Variants in TUNAR observed in about 807,000 individuals in gnomAD.
The protein encoded by TUNAR is protein TUNAR.
At chr14:95,923,199 C>T (rs900595553) in exon 3 of TUNAR, 2 of 360,428 alleles carry the variant, frequency 5.5e-6, no homozygotes, top group Non-Finnish European at 9.9e-6. Flanking sequence ...ACTAGGAACT[C>T]AACGTCTTTG....
intron 2 of TUNAR, among the ~76,000 whole-genome samples, chr14:95,879,906 T>C (rs1298462167): frequency 6.6e-6 from 1 of 152,240 alleles, no homozygotes; most frequent in Non-Finnish European, 1.5e-5. Flanking sequence ...CATGCCCTCA[T>C]GATTGCAGCT....
chr14:95,889,589 G>T (rs533183439), intron 2 of TUNAR, among the ~76,000 whole-genome samples: 2 of 152,266 alleles, frequency 1.3e-5, no homozygotes, highest in South Asian at 4.1e-4. Context: ...CCCCGTGACT[G>T]GGAGCTGACT....
exon 3 of TUNAR, chr14:95,924,715 A>T (rs1889757522): frequency 6.6e-6 from 1 of 152,336 alleles, no homozygotes. Flanking sequence ...CAGCATGGGA[A>T]ACCTGCCCCC....
At chr14:95,905,236 G>A (rs1316363324) in intron 2 of TUNAR, among the ~76,000 whole-genome samples, 1 of 152,196 alleles carries the variant, frequency 6.6e-6, no homozygotes, top group Non-Finnish European at 1.5e-5. Flanking sequence ...TTACCAACGT[G>A]TAATACTATT....
chr14:95,898,971 G>T (rs992027359), intron 2 of TUNAR, among the ~76,000 whole-genome samples: 3 of 152,198 alleles, frequency 2.0e-5, no homozygotes, highest in African/African-American at 7.2e-5. Flanking sequence ...AACTGACCAG[G>T]ATCACCCAGG....
chr14:95,881,871 C>T (rs1172621980), intron 2 of TUNAR, among the ~76,000 whole-genome samples: 1 of 152,208 alleles, frequency 6.6e-6, no homozygotes, highest in Non-Finnish European at 1.5e-5. Context: ...CGTGGCTTTA[C>T]ATTCTGCTAA....
chr14:95,884,964 C>T (rs1889051605), intron 2 of TUNAR, among the ~76,000 whole-genome samples: 1 of 152,012 alleles, frequency 6.6e-6, no homozygotes, highest in African/African-American at 2.4e-5. Flanking sequence ...GCAAACTGCA[C>T]TCGAAAGGAT....
intron 2 of TUNAR, among the ~76,000 whole-genome samples, chr14:95,896,597 A>G (rs923639073): frequency 6.6e-6 from 1 of 152,188 alleles, no homozygotes; most frequent in Non-Finnish European, 1.5e-5. Flanking sequence ...TCTTTTCGCA[A>G]AAGTGGAAGC....
intron 2 of TUNAR, among the ~76,000 whole-genome samples, chr14:95,902,991 GAA>G (rs1889379619): frequency 6.6e-6 from 1 of 152,046 alleles, no homozygotes; most frequent in Non-Finnish European, 1.5e-5. Flanking sequence ...TGGAGAGAGA[GAA>G]AAAAATGTGT....
chr14:95,901,991 A>G (rs1889361638), intron 2 of TUNAR, among the ~76,000 whole-genome samples: 1 of 152,170 alleles, frequency 6.6e-6, no homozygotes, highest in Admixed American at 6.5e-5. Flanking sequence ...GCCAGTGTAA[A>G]GGCCCTGGGG....
At chr14:95,902,161 T>G (rs1245888801) in intron 2 of TUNAR, among the ~76,000 whole-genome samples, 1 of 152,202 alleles carries the variant, frequency 6.6e-6, no homozygotes, top group Non-Finnish European at 1.5e-5. Context: ...ATCAAGTGTA[T>G]TTTTCCAGTG....
exon 3 of TUNAR, chr14:95,923,189 A>G (rs1215787366): frequency 5.4e-6 from 2 of 371,814 alleles, no homozygotes; most frequent in East Asian, 7.7e-5. Context: ...CATTCACAGC[A>G]CTAGGAACTC....
At chr14:95,903,503 G>T (rs1396919577) in intron 2 of TUNAR, among the ~76,000 whole-genome samples, 1 of 152,190 alleles carries the variant, frequency 6.6e-6, no homozygotes, top group Non-Finnish European at 1.5e-5. Flanking sequence ...GCATTGTTCT[G>T]CTCGCAGAGT....
intron 2 of TUNAR, among the ~76,000 whole-genome samples, chr14:95,907,034 G>A (rs538225828): frequency 4.6e-5 from 7 of 152,228 alleles, no homozygotes; most frequent in Non-Finnish European, 1.0e-4. Context: ...GCATACTGTT[G>A]TATGTTACAT....
intron 2 of TUNAR, among the ~76,000 whole-genome samples, chr14:95,904,238 G>A (rs948183884): frequency 1.3e-5 from 2 of 152,212 alleles, no homozygotes; most frequent in Non-Finnish European, 2.9e-5. Context: ...GCTCCTGTGG[G>A]GGGGCCTGGG....
chr14:95,920,514 G>A (rs890568894), intron 2 of TUNAR, among the ~76,000 whole-genome samples: 3 of 152,178 alleles, frequency 2.0e-5, no homozygotes, highest in African/African-American at 7.2e-5. Context: ...CTAGTAAACC[G>A]AAGTTGTGAA....
At chr14:95,913,528 A>C (rs1374584272) in intron 2 of TUNAR, among the ~76,000 whole-genome samples, 1 of 152,160 alleles carries the variant, frequency 6.6e-6, no homozygotes, top group Non-Finnish European at 1.5e-5. Flanking sequence ...TCCGCAATTT[A>C]CTATTGATCA....
chr14:95,901,078 TC>T (rs1325882838), intron 2 of TUNAR, among the ~76,000 whole-genome samples: 2 of 152,228 alleles, frequency 1.3e-5, no homozygotes, highest in African/African-American at 4.8e-5. Flanking sequence ...TTTTCTAGCA[TC>T]ATGTTTGAGA....
intron 2 of TUNAR, among the ~76,000 whole-genome samples, chr14:95,902,605 A>G (rs1321404220): frequency 6.6e-6 from 1 of 152,178 alleles, no homozygotes; most frequent in Non-Finnish European, 1.5e-5. Context: ...CTGTGCCCTT[A>G]GCAAACGCTG....
Sources: gnomAD v4.1 joint callset for allele counts (sites outside exome capture counted in the v4.1 genomes callset) on GRCh38, gnomAD v4.1.1 for gene constraint, MANE v1.5 for transcripts, NCBI Gene and HGNC (gene_info 2026-07-23, HGNC 2026-07-21) for gene names.